The following NMT2 variants were observed in gnomAD, a reference collection of about 807,000 sequenced individuals.
NMT2 encodes the protein N-myristoyltransferase 2.
In NMT2, 35 loss-of-function variants were observed where a neutral mutation model predicts 65.4. That is an observed-to-expected ratio of 0.54 (90% confidence interval 0.41 to 0.71). The LOEUF (loss-of-function observed/expected upper bound fraction) is 0.71, where lower values mean the gene tolerates loss of function less well. Ranked by LOEUF, NMT2 falls within the 30% of genes least tolerant of loss-of-function variation. The pLI is 0.00. For synonymous variants in NMT2, 226 were observed against 231.8 expected, an observed-to-expected ratio of 0.98 and a Z score of 0.23; for missense variants, 489 against 611.3, an observed-to-expected ratio of 0.80 and a Z score of 2.11.
intron 8 of NMT2, 114 bp downstream of exon 8, chr10:15,128,236 T>C: frequency 1.4e-6 from 1 of 692,014 alleles, no homozygotes; most frequent in South Asian, 1.6e-5. Flanking sequence ...TTTCGCTCCA[T>C]ATTCACTTCC....
At chr10:15,165,851 C>A (rs1297970922) in intron 1 of NMT2, among the ~76,000 whole-genome samples, 2 of 143,302 alleles carry the variant, frequency 1.4e-5, no homozygotes, top group Admixed American at 1.4e-4. Flanking sequence ...GCACTCCAGC[C>A]TGGGTGACAG....
At chr10:15,162,078 C>A (rs1008804333) in intron 1 of NMT2, among the ~76,000 whole-genome samples, 2 of 151,888 alleles carry the variant, frequency 1.3e-5, no homozygotes, top group Non-Finnish European at 2.9e-5. Context: ...CATAGTGAGA[C>A]CCTGTCTCTA....
rs192356256 is a variant in NMT2 at position 15,160,581 on chromosome 10, C to G, written c.110+7922G>C. Among the ~76,000 whole-genome samples, 794 of 152,020 alleles carry G rather than the reference C, an allele frequency of 5.2e-3. 5 individuals carry two copies. Among genetic ancestry groups the G allele is most frequent in the Non-Finnish European group, 9.2e-3 (627 of 67,966 alleles). On this transcript the variant is annotated intron_variant, in intron 1 of 11. Transcript: ENST00000378165. Reference sequence around the variant, plus strand: ...CTTGAGGTCAGGAGTTCGAGACCAGCCGGCCAACGTGGTGAAACCCCGTCT... The same window carrying G: ...CTTGAGGTCAGGAGTTCGAGACCAGGCGGCCAACGTGGTGAAACCCCGTCT...
At chr10:15,147,765 T>A (rs1015921157) in intron 1 of NMT2, among the ~76,000 whole-genome samples, 5 of 152,198 alleles carry the variant, frequency 3.3e-5, no homozygotes, top group African/African-American at 1.2e-4. Context: ...ATTTAGTAGA[T>A]GCTCAAGTAA....
intron 6 of NMT2, 67 bp from the exon 7 acceptor site, chr10:15,130,379 T>C: frequency 4.2e-6 from 5 of 1,191,650 alleles, no homozygotes; most frequent in Non-Finnish European, 5.7e-6. Flanking sequence ...CAACACATTT[T>C]AAAAAATAAG....
At chr10:15,168,446 C>T (rs1833451205) in intron 1 of NMT2, 57 bp downstream of exon 1, 2 of 1,333,324 alleles carry the variant, frequency 1.5e-6, no homozygotes, top group African/African-American at 1.5e-5. Context: ...AACGGGAGAC[C>T]GTGGCGCGCG....
intron 1 of NMT2, among the ~76,000 whole-genome samples, chr10:15,146,238 G>T (rs765119427): frequency 1.3e-5 from 2 of 152,126 alleles, no homozygotes; most frequent in African/African-American, 2.4e-5. Context: ...AAGTAGAAAC[G>T]AACACATTCC....
intron 8 of NMT2, among the ~76,000 whole-genome samples, chr10:15,126,822 A>G (rs1406736996): frequency 1.3e-5 from 2 of 152,332 alleles, no homozygotes; most frequent in East Asian, 3.9e-4. Flanking sequence ...GTGATAATAA[A>G]TGTTGTTTTA....
chr10:15,121,100 C>A (rs1246841022), intron 8 of NMT2, among the ~76,000 whole-genome samples: 1 of 152,160 alleles, frequency 6.6e-6, no homozygotes, highest in Non-Finnish European at 1.5e-5. Context: ...GCCCAACAAA[C>A]AGACAATTTT....
chr10:15,118,275 C>T (rs182505551), intron 9 of NMT2, among the ~76,000 whole-genome samples: 35 of 152,320 alleles, frequency 2.3e-4, no homozygotes, highest in African/African-American at 7.9e-4. Flanking sequence ...CAGTGGCTCA[C>T]ACCTATAATT....
intron 10 of NMT2, among the ~76,000 whole-genome samples, chr10:15,112,480 C>T (rs913818746): frequency 6.0e-5 from 9 of 151,222 alleles, no homozygotes; most frequent in Non-Finnish European, 8.8e-5. Context: ...CCACCCATCT[C>T]GGCCTCCCAA....
chr10:15,153,715 T>C (rs983115760), intron 1 of NMT2, among the ~76,000 whole-genome samples: 14 of 152,074 alleles, frequency 9.2e-5, no homozygotes, highest in Non-Finnish European at 2.9e-5. Context: ...CAGTGGCCAA[T>C]CTCGGCTCAC....
chr10:15,109,155 C>A lies in NMT2; in HGVS notation c.*40G>T, dbSNP rs773532007. ...AGTTCCAGAAATCATTAAATATTAACAAATGATGATGTCAGAGTTCTAGAA... is the reference window on the plus strand; with the variant it reads ...AGTTCCAGAAATCATTAAATATTAAAAAATGATGATGTCAGAGTTCTAGAA... On this transcript the variant is annotated 3_prime_UTR_variant, in exon 12 of 12. Coordinates refer to ENST00000378165, the MANE Select transcript of NMT2 (RefSeq NM_004808.3). The A allele has an allele frequency of 8.8e-6, 14 of 1,598,396 alleles. No homozygotes were observed. Among genetic ancestry groups the A allele is most frequent in the Non-Finnish European group, 1.2e-5 (14 of 1,175,252 alleles).
chr10:15,141,074 A>G, intron 2 of NMT2: 5 of 1,497,456 alleles, frequency 3.3e-6, no homozygotes, highest in Non-Finnish European at 4.5e-6. Context: ...TACAATGTGA[A>G]TATCTTCTGA....
Position 15,108,291 on chromosome 10 carries a change from A to G in NMT2, c.*904T>C. ...CAACCTCACCTCTCAGGTTCAAGCG[A>G]TTCTCCTGCCTCAGCCTCCCAAGCA... On this transcript the variant is annotated 3_prime_UTR_variant, in exon 12 of 12. Coordinates refer to ENST00000378165, the MANE Select transcript of NMT2 (RefSeq NM_004808.3). The G allele has an allele frequency of 2.9e-6, 2 of 682,572 alleles. No homozygotes were observed. The highest frequency in any genetic ancestry group is 3.6e-6 in the Non-Finnish European group (2 of 554,358). The allele number at this position is 682,572 out of a possible 1,614,324, so 42.3% of individuals were successfully genotyped here. A position where few individuals can be genotyped will look rare whatever the true frequency, so the allele number is the denominator to read the frequency against.
rs1833458313 is a variant in NMT2 at position 15,168,583 on chromosome 10, G to A, written c.30C>T (p.Ser10=). Residue 10 remains serine (S), a synonymous_variant, in exon 1 of 12, where the codon AGC becomes AGT. Coordinates refer to ENST00000378165, the MANE Select transcript of NMT2 (RefSeq NM_004808.3). MAEDSESAA[S]QQSLELDDQD... ...GGTCGTCCAGTTCCAGGCTCTGCTG[G>A]CTGGCCGCAGACTCGCTGTCCTCCG... 3 of 1,587,740 alleles carry A rather than the reference G, an allele frequency of 1.9e-6. No individual in the cohort carries two copies. The highest frequency in any genetic ancestry group is 4.7e-5 in the East Asian group (2 of 42,120).
intron 1 of NMT2, among the ~76,000 whole-genome samples, chr10:15,143,999 T>C (rs1404294320): frequency 6.6e-6 from 1 of 152,202 alleles, no homozygotes; most frequent in Non-Finnish European, 1.5e-5. Flanking sequence ...TAAGTTTATA[T>C]CACTTATTCT....
Position 15,140,907 on chromosome 10 carries a change from G to T in NMT2, c.246+515C>A, listed in dbSNP as rs1478592330. ...TTGGTTTAAACTAGGAGAATGTCAG[G>T]AACTATTTCCCACCCTTGGCATTAG... On this transcript the variant is annotated intron_variant, in intron 2 of 11. Coordinates refer to ENST00000378165, the MANE Select transcript of NMT2 (RefSeq NM_004808.3). 3.1e-6 allele frequency: 4 copies of T among 1,289,548 alleles called. No individual in the cohort carries two copies. The East Asian group carries it at 7.6e-5, about 24-fold the overall frequency. 79.9% of individuals were successfully genotyped at this position (1,289,548 alleles called of 1,614,324 possible).
intron 9 of NMT2, among the ~76,000 whole-genome samples, chr10:15,117,045 C>T (rs1412855842): frequency 6.6e-6 from 1 of 152,092 alleles, no homozygotes; most frequent in Non-Finnish European, 1.5e-5. Context: ...ATAATACTTC[C>T]CAACTCCTAT....
Sources: gnomAD v4.1 joint callset for allele counts (sites outside exome capture counted in the v4.1 genomes callset) on GRCh38, gnomAD v4.1.1 for gene constraint, MANE v1.5 for transcripts, NCBI Gene and HGNC (gene_info 2026-07-23, HGNC 2026-07-21) for gene names.